NPAS3: variants seen among roughly 807,000 people sequenced by gnomAD.
NPAS3 encodes neuronal PAS domain-containing protein 3.
Under a neutral mutation model 73.1 loss-of-function variants are expected in NPAS3, and 14 were observed. The ratio of observed to expected loss-of-function variants is 0.19; its 90% CI spans 0.13 to 0.30. NPAS3 has a LOEUF of 0.30. NPAS3 is among the 10% of genes least tolerant of loss of function. NPAS3 has a pLI of 1.00. For missense variants in NPAS3, 1,096 were observed against 1,250.0 expected (o/e 0.88, Z 1.86); for synonymous variants, 620 against 541.5 (o/e 1.14, Z -2.01).
intron 6 of NPAS3, among the ~76,000 whole-genome samples, chr14:33,731,227 C>A (rs1330048178): frequency 6.6e-6 from 1 of 151,764 alleles, no homozygotes; most frequent in African/African-American, 2.4e-5. Flanking sequence ...CATGGTGAAA[C>A]CCCATCTACA....
intron 7 of NPAS3, among the ~76,000 whole-genome samples, chr14:33,761,904 C>T (rs1221266669): frequency 6.6e-6 from 1 of 152,110 alleles, no homozygotes. Context: ...ATTTTAAAGA[C>T]CCAGGAAGCC....
intron 2 of NPAS3, among the ~76,000 whole-genome samples, chr14:33,066,668 A>C (rs1339378711): frequency 6.6e-6 from 1 of 152,190 alleles, no homozygotes; most frequent in East Asian, 1.9e-4. Flanking sequence ...TGAGAATGCA[A>C]GACTCTGAAA....
At chr14:33,692,053 A>G (rs1217107109) in intron 6 of NPAS3, among the ~76,000 whole-genome samples, 2 of 152,190 alleles carry the variant, frequency 1.3e-5, no homozygotes, top group Non-Finnish European at 2.9e-5. Context: ...ATCCAGACTG[A>G]CAAGAAATAT....
chr14:33,497,631 A>C (rs557772519), intron 4 of NPAS3, among the ~76,000 whole-genome samples: 1 of 152,332 alleles, frequency 6.6e-6, no homozygotes, highest in African/African-American at 2.4e-5. Context: ...GTGTTGAGAA[A>C]ACTGGCTAGC....
At chr14:33,601,283 C>T (rs1463197605) in intron 5 of NPAS3, among the ~76,000 whole-genome samples, 1 of 152,186 alleles carries the variant, frequency 6.6e-6, no homozygotes, top group Non-Finnish European at 1.5e-5. Context: ...AAAGTATTTT[C>T]TCACATCATT....
chr14:33,224,271 T>C (rs1015047247), intron 3 of NPAS3, among the ~76,000 whole-genome samples: 4 of 152,188 alleles, frequency 2.6e-5, no homozygotes, highest in Non-Finnish European at 5.9e-5. Flanking sequence ...CTGCAGATGA[T>C]AATATTTCAT....
chr14:33,432,223 T>C (rs1490395514), intron 4 of NPAS3, among the ~76,000 whole-genome samples: 2 of 152,182 alleles, frequency 1.3e-5, no homozygotes, highest in Non-Finnish European at 2.9e-5. Context: ...GTACAGTCAT[T>C]GCTTAACAAT....
intron 4 of NPAS3, among the ~76,000 whole-genome samples, chr14:33,459,017 TTGA>T (rs1249387321): frequency 2.6e-5 from 4 of 152,236 alleles, no homozygotes; most frequent in African/African-American, 9.6e-5. Flanking sequence ...TGGTTGTTTC[TTGA>T]TGATATGCTA....
intron 4 of NPAS3, among the ~76,000 whole-genome samples, chr14:33,553,711 T>C (rs1408417826): frequency 2.0e-5 from 3 of 152,226 alleles, no homozygotes; most frequent in Non-Finnish European, 4.4e-5. Context: ...TGTGCTTTTA[T>C]CCACTTTGAG....
intron 5 of NPAS3, among the ~76,000 whole-genome samples, chr14:33,573,346 C>T (rs2056304361): frequency 6.6e-6 from 1 of 152,150 alleles, no homozygotes; most frequent in African/African-American, 2.4e-5. Context: ...GAGCTGGTTT[C>T]TGCAAGATGC....
intron 3 of NPAS3, among the ~76,000 whole-genome samples, chr14:33,285,794 G>A (rs1018950284): frequency 1.2e-4 from 19 of 152,122 alleles, no homozygotes; most frequent in African/African-American, 4.6e-4. Context: ...GCTCCCTTTT[G>A]TTTAGAAGCC....
chr14:33,049,404 G>T (rs992509290), intron 1 of NPAS3, among the ~76,000 whole-genome samples: 5 of 152,186 alleles, frequency 3.3e-5, no homozygotes, highest in Admixed American at 2.6e-4. Context: ...AAGGAAGGAG[G>T]TTTAATGGAG....
rs1265005808 is a variant in NPAS3 at position 33,742,269 on chromosome 14, G to C, written c.852+6937G>C. Among the ~76,000 whole-genome samples, 4 of 152,072 alleles carry C rather than the reference G, an allele frequency of 2.6e-5. No individual in the cohort carries two copies. In the East Asian group the frequency reaches 5.8e-4, roughly 22 times the overall value. ...TTTCACTAAAGTAATCTCTTGACCT[G>C]GTGGTCTGAAATAGCAGTTACTAAA... On this transcript the variant is annotated intron_variant, in intron 7 of 11. Transcript: ENST00000356141.
intron 2 of NPAS3, among the ~76,000 whole-genome samples, chr14:33,124,538 G>T (rs1272533016): frequency 6.6e-6 from 1 of 152,038 alleles, no homozygotes; most frequent in Non-Finnish European, 1.5e-5. Flanking sequence ...ACAATATTTG[G>T]CATGTCAGTA....
At chr14:32,977,351 G>GACAC (rs1389031338) in intron 1 of NPAS3, among the ~76,000 whole-genome samples, 1 of 9,454 alleles carries the variant, frequency 1.1e-4, no homozygotes, top group African/African-American at 2.1e-4. Flanking sequence ...TTTTGTCTCT[G>GACAC]ACACGCACAC....
At chr14:32,956,856 C>G (rs2036691284) in intron 1 of NPAS3, among the ~76,000 whole-genome samples, 1 of 152,184 alleles carries the variant, frequency 6.6e-6, no homozygotes, top group South Asian at 2.1e-4. Context: ...TATGCCCCCT[C>G]TACACACTGT....
At chr14:33,690,269 A>G (rs2060199301) in intron 6 of NPAS3, among the ~76,000 whole-genome samples, 1 of 152,166 alleles carries the variant, frequency 6.6e-6, no homozygotes, top group Non-Finnish European at 1.5e-5. Flanking sequence ...ACTCCAGTTC[A>G]TCACTAATCT....
intron 3 of NPAS3, among the ~76,000 whole-genome samples, chr14:33,335,707 A>G (rs1023038666): frequency 2.0e-5 from 3 of 152,082 alleles, no homozygotes; most frequent in Non-Finnish European, 4.4e-5. Flanking sequence ...TGGACGTTTG[A>G]GTGGACCTTC....
chr14:33,162,660 G>A (rs1268970380), intron 2 of NPAS3, among the ~76,000 whole-genome samples: 10 of 150,196 alleles, frequency 6.7e-5, no homozygotes, highest in Admixed American at 5.9e-4. Context: ...TCAACTTTTC[G>A]TTAAAAACAA....
Sources: gnomAD v4.1 joint callset for allele counts (sites outside exome capture counted in the v4.1 genomes callset) on GRCh38, gnomAD v4.1.1 for gene constraint, MANE v1.5 for transcripts, NCBI Gene and HGNC (gene_info 2026-07-23, HGNC 2026-07-21) for gene names.